Variants in CARD14 observed in about 807,000 individuals in gnomAD.
CARD14 encodes the protein caspase recruitment domain family member 14, also known as caspase recruitment domain-containing protein 14.
In CARD14, 107 loss-of-function variants were observed where a neutral mutation model predicts 111.5. The observed-to-expected ratio is 0.96, with a 90% CI of 0.82 to 1.13. CARD14 has a LOEUF of 1.13. Ranked by LOEUF, CARD14 falls within the 50% of genes most tolerant of loss-of-function variation. CARD14 has a pLI of 0.00. For synonymous variants in CARD14, 617 were observed against 579.6 expected, an observed-to-expected ratio of 1.06 and a Z score of -0.93; for missense variants, 1,322 against 1,362.3, an observed-to-expected ratio of 0.97 and a Z score of 0.47.
At position 80,198,827 on chromosome 17, in the gene CARD14, G is replaced by A. The variant is rs2040823955; in HGVS notation, c.1851+236G>A. The stretch of plus-strand genomic sequence containing the variant: ...GCTGCCATGCGGCGCTTCTGACCAG[G>A]GGTCTTTGCATGAGGCCCCTTGACA... On this transcript the variant is annotated intron_variant, in intron 16 of 23. Transcript: ENST00000648509. The surrounding 1 kb of genome is among the most constrained non-coding windows in gnomAD (Gnocchi z 7.5). 2.0e-6 allele frequency: 3 copies of A among 1,471,056 alleles called. No individual in the cohort carries two copies. Among genetic ancestry groups the A allele is most frequent in the African/African-American group, 2.8e-5 (2 of 71,038 alleles). The allele number at this position is 1,471,056 out of a possible 1,614,324, so 91.1% of individuals were successfully genotyped here.
chr17:80,181,358 C>T, intron 4 of CARD14, 61 bp from the exon 5 acceptor site: 8 of 1,295,470 alleles, frequency 6.2e-6, no homozygotes, highest in Non-Finnish European at 7.5e-6. Context: ...AACGGTGTCA[C>T]CCTGGCTATC....
intron 1 of CARD14, chr17:80,170,413 A>C (rs1209770311): frequency 1.3e-5 from 2 of 152,218 alleles, no homozygotes; most frequent in African/African-American, 2.4e-5. Context: ...TTCAGAACAA[A>C]GTGAGCAAGA....
At position 80,204,326 on chromosome 17, in the gene CARD14, C is replaced by T; in HGVS notation, c.2383C>T (p.Pro795Ser). 2 of 1,581,060 alleles carry T rather than the reference C, an allele frequency of 1.3e-6. No homozygotes were observed. Among genetic ancestry groups the T allele is most frequent in the Non-Finnish European group, 1.7e-6 (2 of 1,158,868 alleles). Residue 795 changes from proline to serine, a missense_variant, in exon 20 of 24, where the codon CCC becomes TCC. Physicochemically the swap from Pro to Ser is moderately conservative, Grantham distance 74. Coordinates refer to ENST00000648509, the MANE Select transcript of CARD14 (RefSeq NM_001366385.1). ...RLSFDRGQLD[P>S]SRMEGSSTCF... Reference sequence around the variant, plus strand: ...GTCCTTTGACAGGGGCCAGTTGGACCCCAGCAGGATGGAGGGTGAGGCCTG... The same window carrying T: ...GTCCTTTGACAGGGGCCAGTTGGACTCCAGCAGGATGGAGGGTGAGGCCTG...
In CARD14 at chr17:80,204,273, A is replaced by G. The variant is rs1598706931; in HGVS notation, c.2330A>G (p.Asp777Gly). The part of the protein sequence containing the change: ...PQKLVRIVSM[D>G]KAKASPLRLS... ...AAGCTGGTCCGCATCGTCAGTATGG[A>G]CAAAGCCAAGGCCAGCCCTCTGCGT... The change falls in exon 20 of 24, where the codon GAC becomes GGC. Residue 777 changes from aspartate (D) to glycine (G), a missense_variant. Asp to Gly is a moderately conservative substitution (Grantham distance 94). Coordinates refer to ENST00000648509, the MANE Select transcript of CARD14 (RefSeq NM_001366385.1). 20 of 1,601,656 alleles carry G rather than the reference A, an allele frequency of 1.2e-5. No individual in the cohort carries two copies. The highest frequency in any genetic ancestry group is 1.7e-5 in the Non-Finnish European group (20 of 1,170,726).
rs776909422 is a variant in CARD14 at position 80,198,548 on chromosome 17, C to T, written c.1808C>T (p.Ala603Val). The T allele has an allele frequency of 5.5e-5, 88 of 1,613,024 alleles. No individual in the cohort carries two copies. The South Asian group carries it at 7.0e-4, about 13-fold the overall frequency. ...ATCCACCGGGTCACCCCGGGCTCGG[C>T]GGCGGACCAGATGGCCTTGCGCCCG... ...IFIHRVTPGS[A>V]ADQMALRPGT... The change falls in exon 16 of 24, where the codon GCG becomes GTG. Residue 603 changes from alanine (A) to valine (V), a missense_variant. Transcript: ENST00000648509. The surrounding 1 kb of genome is among the most constrained non-coding windows in gnomAD (Gnocchi z 7.5).
intron 11 of CARD14, 116 bp from the exon 12 acceptor site, chr17:80,192,387 C>T (rs944574495): frequency 1.6e-4 from 110 of 678,684 alleles, no homozygotes; most frequent in East Asian, 2.7e-4. Context: ...TGGAAGCTGA[C>T]GAGAGGAAAC....
intron 2 of CARD14, among the ~76,000 whole-genome samples, chr17:80,176,901 C>T (rs1000572563): frequency 2.8e-4 from 43 of 152,170 alleles, no homozygotes; most frequent in Admixed American, 2.6e-3. Context: ...CCATTGGCAG[C>T]GCATCCCTGG....
At chr17:80,173,848 C>T (rs1351765861) in intron 2 of CARD14, among the ~76,000 whole-genome samples, 3 of 152,124 alleles carry the variant, frequency 2.0e-5, no homozygotes, top group East Asian at 1.9e-4. Flanking sequence ...CTGCCCACCT[C>T]GGCCTCCCAA....
At position 80,175,049 on chromosome 17, in the gene CARD14, C is replaced by T. The variant is rs1010945982; in HGVS notation, c.-367+1821C>T. ...GGAGTGCAGTGATGCAATCTCATTT[C>T]ACTGCAACCTCTGCCTCCCGGGCTC... On this transcript the variant is annotated intron_variant, in intron 2 of 23. Coordinates refer to ENST00000648509, the MANE Select transcript of CARD14 (RefSeq NM_001366385.1). 3.3e-5 allele frequency among the ~76,000 whole-genome samples: 5 copies of T among 151,934 alleles called. 2 individuals are homozygous for T. Among genetic ancestry groups the T allele is most frequent in the Admixed American group, 3.3e-4 (5 of 15,218 alleles).
chr17:80,189,845 CGTGGCTGCCGAGA>C lies in CARD14; in HGVS notation c.938_950del (p.Val313GlyfsTer31). 6.3e-7 allele frequency: 1 copy of C among 1,591,606 alleles called. No individual in the cohort carries two copies. On this transcript the variant is annotated frameshift_variant, in exon 9 of 24. Transcript: ENST00000648509. LOFTEE classifies it high-confidence loss of function. The surrounding 1 kb of genome is among the most constrained non-coding windows in gnomAD (Gnocchi z 4.7). ...GCATCCACTCGCTGCGGGAGCGGGC[CGTGGCTGCCGAGA>C]GGCAGCGAGAGCAGGTGCCGTGTGA...
chr17:80,197,648 C>G, intron 14 of CARD14: 1 of 192,788 alleles, frequency 5.2e-6, no homozygotes, highest in Non-Finnish European at 1.1e-5. Flanking sequence ...CAGGTCCATG[C>G]AGAAATACAG....
At position 80,198,315 on chromosome 17, in the gene CARD14, G is replaced by A; in HGVS notation, c.1659-84G>A. The A allele has an allele frequency of 1.3e-6, 2 of 1,564,106 alleles. No homozygotes were observed. Among genetic ancestry groups the A allele is most frequent in the East Asian group, 2.3e-5 (1 of 44,142 alleles). ...GGGGAGGAGAATTCCAGAACACTGG[G>A]GCCAGAGGGAAGCAATGGGGAGGTG... On this transcript the variant is annotated intron_variant, in intron 15 of 23. Coordinates refer to ENST00000648509, the MANE Select transcript of CARD14 (RefSeq NM_001366385.1). The surrounding 1 kb of genome is among the most constrained non-coding windows in gnomAD (Gnocchi z 7.5).
rs760244588 is a variant in CARD14 at position 80,208,313 on chromosome 17, A to G, written c.2983A>G (p.Lys995Glu). 3.7e-6 allele frequency: 6 copies of G among 1,605,994 alleles called. No homozygotes were observed. The highest frequency in any genetic ancestry group is 3.4e-5 in the South Asian group (3 of 89,432). The change falls in exon 24 of 24, where the codon AAG becomes GAG. Residue 995 changes from lysine (K) to glutamate (E), a missense_variant. Transcript: ENST00000648509. ...VRQAIADEQKKVVWTEQSPR is the reference protein window; with the variant it reads ...VRQAIADEQKEVVWTEQSPR ...CCAGGCCATCGCCGACGAGCAGAAGAAGGTGGTGTGGACGGAGCAGAGCCC... is the reference window on the plus strand; with the variant it reads ...CCAGGCCATCGCCGACGAGCAGAAGGAGGTGGTGTGGACGGAGCAGAGCCC...
In CARD14 at chr17:80,186,821, A is replaced by G. The variant is rs1236547254; in HGVS notation, c.676-1556A>G. ...CACCTCGGTCTCCCAAAGTGCTGGG[A>G]TTACAGGCATGAGCCACCACGCCCG... On this transcript the variant is annotated intron_variant, in intron 7 of 23. Coordinates refer to ENST00000648509, the MANE Select transcript of CARD14 (RefSeq NM_001366385.1). 2.0e-5 allele frequency among the ~76,000 whole-genome samples: 3 copies of G among 152,176 alleles called. No homozygotes were observed. In the East Asian group the frequency reaches 5.8e-4, roughly 29 times the overall value.
In CARD14 at chr17:80,195,067, TTC is replaced by T; in HGVS notation, c.1357-123_1357-122del. On this transcript the variant is annotated intron_variant, in intron 12 of 23. Transcript: ENST00000648509. The surrounding 1 kb of genome is among the most constrained non-coding windows in gnomAD (Gnocchi z 4.7). ...CATGTGACCCCATGTGTGTCCTTCT[TTC>T]CCCTCCTGCCTCCTCTCCAGTCAGT... 6 of 1,292,022 alleles carry T rather than the reference TTC, an allele frequency of 4.6e-6. No homozygotes were observed. The highest frequency in any genetic ancestry group is 6.3e-6 in the Non-Finnish European group (6 of 950,030). The allele number at this position is 1,292,022 out of a possible 1,614,324, so 80.0% of individuals were successfully genotyped here.
intron 4 of CARD14, 105 bp from the exon 5 acceptor site, chr17:80,181,314 C>T (rs754236806): frequency 4.5e-5 from 37 of 818,310 alleles, no homozygotes; most frequent in East Asian, 1.9e-4. Context: ...GCAAAGAGTG[C>T]GCCTTGCTAA....
intron 22 of CARD14, chr17:80,205,980 C>T (rs930610319): frequency 1.5e-4 from 30 of 199,592 alleles, no homozygotes; most frequent in Middle Eastern, 1.9e-3. Context: ...AGCAGCTCCC[C>T]GTGAACCACA....
chr17:80,198,303 C>G lies in CARD14; in HGVS notation c.1659-96C>G. 6.4e-7 allele frequency: 1 copy of G among 1,567,644 alleles called. No homozygotes were observed. The highest frequency in any genetic ancestry group is 8.7e-7 in the Non-Finnish European group (1 of 1,152,496). On this transcript the variant is annotated intron_variant, in intron 15 of 23. Transcript: ENST00000648509. This position sits in a 1 kb window ranked among gnomAD's most constrained non-coding sequence, Gnocchi z 7.5. Reference sequence around the variant, plus strand: ...GGGGCCATGGAGGGGGAGGAGAATTCCAGAACACTGGGGCCAGAGGGAAGC... The same window carrying G: ...GGGGCCATGGAGGGGGAGGAGAATTGCAGAACACTGGGGCCAGAGGGAAGC...
rs139916079 is a variant in CARD14, at chr17:80,189,568, C to A, written c.844-185C>A. On this transcript the variant is annotated intron_variant, in intron 8 of 23. Coordinates refer to ENST00000648509, the MANE Select transcript of CARD14 (RefSeq NM_001366385.1). The surrounding 1 kb of genome is among the most constrained non-coding windows in gnomAD (Gnocchi z 4.7). ...GTGTTCCTTCTCCTTGGCCATGAATCTGCACTTTTCCCAGGCATGATGGGT... is the reference window on the plus strand; with the variant it reads ...GTGTTCCTTCTCCTTGGCCATGAATATGCACTTTTCCCAGGCATGATGGGT... Among the ~76,000 whole-genome samples the A allele has an allele frequency of 1.3e-5, 2 of 152,316 alleles. No individual in the cohort carries two copies. Among genetic ancestry groups the A allele is most frequent in the Admixed American group, 1.3e-4 (2 of 15,292 alleles).
Sources: allele counts gnomAD v4.1 joint callset (sites outside exome capture counted in the v4.1 genomes callset), GRCh38; gene constraint gnomAD v4.1.1; non-coding constraint Gnocchi (gnomAD v3.1); transcripts MANE v1.5; gene names NCBI Gene and HGNC (gene_info 2026-07-23, HGNC 2026-07-21).